Variants in NDUFAF2 observed in about 807,000 individuals in gnomAD.
The protein encoded by NDUFAF2 is NADH dehydrogenase [ubiquinone] 1 alpha subcomplex assembly factor 2.
Under a neutral mutation model 22.8 loss-of-function variants are expected in NDUFAF2, and 13 were observed. That is an observed-to-expected ratio of 0.57 (90% CI 0.37 to 0.91). The LOEUF is 0.91. NDUFAF2 is among the 40% of genes least tolerant of loss of function. The pLI is 0.01. For missense variants in NDUFAF2, 162 were observed against 195.2 expected, an observed-to-expected ratio of 0.83 and a Z score of 1.01; for synonymous variants, 53 against 64.2, an observed-to-expected ratio of 0.83 and a Z score of 0.84.
In NDUFAF2 at chr5:61,111,234, A is replaced by G. The variant is rs890401419; in HGVS notation, c.258+12202A>G. 2.8e-4 allele frequency among the ~76,000 whole-genome samples: 43 copies of G among 152,194 alleles called. 1 individual carries two copies. Among genetic ancestry groups the G allele is most frequent in the African/African-American group, 4.8e-5 (2 of 41,444 alleles). ...TAAGAGCTGTTTTGTGGCCTAACGT[A>G]TAGTCTGTCCTTGAGAATGATCCAT... On this transcript the variant is annotated intron_variant, in intron 3 of 3. Transcript: ENST00000296597.
intron 1 of NDUFAF2, among the ~76,000 whole-genome samples, chr5:61,024,222 C>G (rs191564678): frequency 2.3e-4 from 35 of 152,002 alleles, no homozygotes; most frequent in Admixed American, 4.6e-4. Context: ...TTGGTTGATT[C>G]TCTAATAGCT....
At chr5:61,074,965 C>A (rs753291843) in intron 2 of NDUFAF2, among the ~76,000 whole-genome samples, 1 of 152,042 alleles carries the variant, frequency 6.6e-6, no homozygotes, top group Non-Finnish European at 1.5e-5. Context: ...CTTATAAAGC[C>A]ATCAGATCTC....
intron 1 of NDUFAF2, among the ~76,000 whole-genome samples, chr5:60,996,121 G>C (rs907560870): frequency 1.3e-5 from 2 of 152,076 alleles, no homozygotes; most frequent in Admixed American, 6.6e-5. Context: ...CTAAGAACCT[G>C]CTTGGTGCTG....
At chr5:61,032,042 T>G (rs539732928) in intron 1 of NDUFAF2, among the ~76,000 whole-genome samples, 29 of 152,248 alleles carry the variant, frequency 1.9e-4, no homozygotes, top group Admixed American at 1.6e-3. Flanking sequence ...GAAGTGTCTG[T>G]TCATATCCTT....
Position 61,015,657 on chromosome 5 carries a change from T to G in NDUFAF2, c.128-57468T>G, listed in dbSNP as rs148718573. Among the ~76,000 whole-genome samples the G allele has an allele frequency of 1.2e-4, 18 of 152,288 alleles. No individual in the cohort carries two copies. In the East Asian group the frequency reaches 3.3e-3, roughly 28 times the overall value. ...TTGTTGAAATATTTCTGGATGTCCT[T>G]TAGTACTAAGAAATCTTTCCACATT... On this transcript the variant is annotated intron_variant, in intron 1 of 3. Transcript: ENST00000296597.
At chr5:60,984,496 C>G (rs185294985) in intron 1 of NDUFAF2, among the ~76,000 whole-genome samples, 4,568 of 152,206 alleles carry the variant, frequency 0.03, 83 homozygotes, top group Non-Finnish European at 0.045. Flanking sequence ...GGGAATGTTT[C>G]CAGTTTTTGT....
intron 3 of NDUFAF2, among the ~76,000 whole-genome samples, chr5:61,100,545 A>T (rs1380499879): frequency 1.3e-5 from 2 of 151,676 alleles, no homozygotes; most frequent in African/African-American, 4.8e-5. Flanking sequence ...ATACACACAC[A>T]CACACACACA....
At chr5:61,108,728 A>T (rs376555210) in intron 3 of NDUFAF2, among the ~76,000 whole-genome samples, 1 of 152,110 alleles carries the variant, frequency 6.6e-6, no homozygotes, top group African/African-American at 2.4e-5. Flanking sequence ...TCCTTTCCCT[A>T]ATATATGTTC....
At chr5:61,057,567 C>T (rs1243707748) in intron 1 of NDUFAF2, among the ~76,000 whole-genome samples, 2 of 152,026 alleles carry the variant, frequency 1.3e-5, no homozygotes, top group African/African-American at 2.4e-5. Context: ...TCTTTAGAAT[C>T]CTAGGAGTGT....
chr5:60,965,392 T>A lies in NDUFAF2; in HGVS notation c.127+20010T>A, dbSNP rs187953016. Among the ~76,000 whole-genome samples the A allele has an allele frequency of 2.1e-4, 32 of 152,296 alleles. No homozygotes were observed. In the East Asian group the frequency reaches 2.3e-3, roughly 11 times the overall value. On this transcript the variant is annotated intron_variant, in intron 1 of 3. Transcript: ENST00000296597. ...TTTTTTGTGGTGAGAACACTTAAGA[T>A]CTACCTTAGCAATTTTCAAGTATAT...
At chr5:61,152,292 A>T (rs1257072139) in intron 3 of NDUFAF2, among the ~76,000 whole-genome samples, 1 of 133,508 alleles carries the variant, frequency 7.5e-6, no homozygotes, top group Non-Finnish European at 1.7e-5. Flanking sequence ...AATGGCAAAG[A>T]AAAAAAAAAA....
chr5:61,128,316 A>C (rs1753063896), intron 3 of NDUFAF2, among the ~76,000 whole-genome samples: 1 of 152,178 alleles, frequency 6.6e-6, no homozygotes, highest in Admixed American at 6.5e-5. Flanking sequence ...TTCATATGGA[A>C]CCAAAAAAGA....
At chr5:61,124,176 T>G (rs1464225433) in intron 3 of NDUFAF2, among the ~76,000 whole-genome samples, 4 of 150,900 alleles carry the variant, frequency 2.7e-5, no homozygotes, top group African/African-American at 9.7e-5. Flanking sequence ...GCAAAGGACA[T>G]GACAAAGAAG....
At chr5:61,078,078 A>AC (rs1053383601) in intron 2 of NDUFAF2, among the ~76,000 whole-genome samples, 1 of 151,970 alleles carries the variant, frequency 6.6e-6, no homozygotes, top group Non-Finnish European at 1.5e-5. Context: ...CTGGCCCGTC[A>AC]CCCCCAGTGA....
intron 3 of NDUFAF2, among the ~76,000 whole-genome samples, chr5:61,146,596 A>G (rs1249359209): frequency 1.3e-5 from 2 of 152,122 alleles, no homozygotes; most frequent in Non-Finnish European, 2.9e-5. Context: ...TGTCTTTTGT[A>G]TAAGTGTCTT....
intron 1 of NDUFAF2, among the ~76,000 whole-genome samples, chr5:60,968,179 CGTT>C (rs1317157110): frequency 1.1e-4 from 16 of 151,444 alleles, no homozygotes; most frequent in South Asian, 4.2e-4. Flanking sequence ...CTGTAGTATC[CGTT>C]GTTGCTTCCC....
intron 2 of NDUFAF2, among the ~76,000 whole-genome samples, chr5:61,074,766 A>C (rs1296350637): frequency 1.3e-5 from 2 of 152,014 alleles, no homozygotes; most frequent in African/African-American, 4.8e-5. Flanking sequence ...GTCTCAAAAA[A>C]GAAAAGAAAA....
chr5:61,089,915 T>TG (rs1752546757), intron 2 of NDUFAF2, among the ~76,000 whole-genome samples: 1 of 151,370 alleles, frequency 6.6e-6, no homozygotes, highest in Non-Finnish European at 1.5e-5. Context: ...ATTGAAGTAT[T>TG]TTTTTTTTCA....
At chr5:60,997,071 G>C (rs1487445441) in intron 1 of NDUFAF2, among the ~76,000 whole-genome samples, 1 of 152,088 alleles carries the variant, frequency 6.6e-6, no homozygotes, top group East Asian at 1.9e-4. Context: ...TGTCTCACCT[G>C]TTTTTCTTCT....
Sources: allele counts gnomAD v4.1 joint callset (sites outside exome capture counted in the v4.1 genomes callset), GRCh38; gene constraint gnomAD v4.1.1; transcripts MANE v1.5; gene names NCBI Gene and HGNC (gene_info 2026-07-23, HGNC 2026-07-21).